Variants in GPC3 observed in about 807,000 individuals in gnomAD.
GPC3 encodes the protein glypican 3.
A neutral mutation model predicts 34.4 loss-of-function variants in GPC3; 3 were observed. The ratio of observed to expected loss-of-function variants is 0.09; its 90% confidence interval spans 0.04 to 0.23. The LOEUF (loss-of-function observed/expected upper bound fraction) is 0.23. GPC3 is among the 10% of genes least tolerant of loss of function. The probability of loss-of-function intolerance (pLI) is 1.00; values close to 1 mark genes in which losing one functional copy is unlikely to be tolerated. For missense variants in GPC3, 351 were observed against 445.6 expected (o/e 0.79, Z 1.91); for synonymous variants, 177 against 174.0 (o/e 1.02, Z -0.13).
intron 2 of GPC3, among the ~76,000 whole-genome samples, chrX:133,900,646 G>A (rs774715353): frequency 9.0e-6 from 1 of 111,509 alleles, no homozygotes; most frequent in South Asian, 3.9e-4. Flanking sequence ...AAATGATAAG[G>A]AGGAAGGGGA....
chrX:133,710,846 A>C (rs2071259790), intron 3 of GPC3, among the ~76,000 whole-genome samples: 1 of 112,424 alleles, frequency 8.9e-6, no homozygotes, highest in African/African-American at 3.2e-5. Context: ...AGCTGAAAGC[A>C]GAATCCTGCA....
chrX:133,708,284 G>T (rs1330035415), intron 3 of GPC3, among the ~76,000 whole-genome samples: 3 of 111,354 alleles, frequency 2.7e-5, no homozygotes, highest in Non-Finnish European at 5.7e-5. Context: ...CCATTATCTG[G>T]TTTTTCACTT....
Position 133,580,798 on chromosome X carries a change from T to C in GPC3, c.1573+15642A>G, listed in dbSNP as rs763155542. Among the ~76,000 whole-genome samples the C allele has an allele frequency of 8.0e-5, 9 of 112,082 alleles. No individual in the cohort carries two copies. In the South Asian group the frequency reaches 3.4e-3, roughly 42 times the overall value. ...GACCACATTTTGGGAGAATCTCACTTCTTAGTCCTCTAGCAGTTGGTACTG... is the reference window on the plus strand; with the variant it reads ...GACCACATTTTGGGAGAATCTCACTCCTTAGTCCTCTAGCAGTTGGTACTG... On this transcript the variant is annotated intron_variant, in intron 7 of 7. Transcript: ENST00000370818.
At chrX:133,693,369 A>T (rs1347098781) in intron 4 of GPC3, among the ~76,000 whole-genome samples, 7 of 111,663 alleles carry the variant, frequency 6.3e-5, no homozygotes, top group Non-Finnish European at 1.3e-4. Context: ...AGAAGTGGAT[A>T]TGTTTAAAAA....
At chrX:133,760,426 T>A (rs763720708) in intron 2 of GPC3, among the ~76,000 whole-genome samples, 1 of 111,923 alleles carries the variant, frequency 8.9e-6, no homozygotes, top group African/African-American at 3.2e-5. Context: ...ATCTATACAC[T>A]GGAATACTAT....
At chrX:133,794,514 T>A (rs1230113905) in intron 2 of GPC3, among the ~76,000 whole-genome samples, 1 of 111,783 alleles carries the variant, frequency 8.9e-6, no homozygotes, top group East Asian at 2.8e-4. Flanking sequence ...CACATTTGGC[T>A]TTGGGTGGGG....
intron 7 of GPC3, among the ~76,000 whole-genome samples, chrX:133,571,424 G>A (rs765085322): frequency 9.1e-6 from 1 of 110,235 alleles, no homozygotes; most frequent in African/African-American, 3.3e-5. Flanking sequence ...GTGCAGTGGC[G>A]CGATCTCGGC....
intron 7 of GPC3, among the ~76,000 whole-genome samples, chrX:133,585,338 C>T (rs2124317506): frequency 9.0e-6 from 1 of 111,355 alleles, no homozygotes; most frequent in Admixed American, 9.6e-5. Context: ...CACATCCCTC[C>T]CCTTCTCCGA....
intron 2 of GPC3, among the ~76,000 whole-genome samples, chrX:133,780,522 T>A (rs1335750205): frequency 8.9e-6 from 1 of 111,820 alleles, no homozygotes; most frequent in Non-Finnish European, 1.9e-5. Flanking sequence ...TAATGACTGG[T>A]GGCCTGGGAA....
At chrX:133,563,664 A>G (rs2069557723) in intron 7 of GPC3, among the ~76,000 whole-genome samples, 1 of 111,977 alleles carries the variant, frequency 8.9e-6, no homozygotes, top group Admixed American at 9.5e-5. Context: ...CTGATGAAAA[A>G]CAAGCCAGCA....
intron 2 of GPC3, among the ~76,000 whole-genome samples, chrX:133,847,389 T>C (rs1276318809): frequency 8.9e-6 from 1 of 112,336 alleles, no homozygotes; most frequent in Non-Finnish European, 1.9e-5. Context: ...GAAGAATATC[T>C]TATCATACGA....
In GPC3 at chrX:133,850,172, T is replaced by G. The variant is rs770125078; in HGVS notation, c.338-95996A>C. Among the ~76,000 whole-genome samples the G allele has an allele frequency of 1.0e-4, 11 of 106,312 alleles. No homozygotes were observed. The East Asian group carries it at 1.5e-3, about 14-fold the overall frequency. 92.3% of individuals were successfully genotyped at this position (106,312 alleles called of 115,157 possible). On this transcript the variant is annotated intron_variant, in intron 2 of 7. Transcript: ENST00000370818. ...ACGATATGACTTTGTGGGGTATTTTTTTTGTTTGTTTTTTGGGTTTTGTTT... is the reference window on the plus strand; with the variant it reads ...ACGATATGACTTTGTGGGGTATTTTGTTTGTTTGTTTTTTGGGTTTTGTTT...
intron 1 of GPC3, among the ~76,000 whole-genome samples, chrX:133,985,012 G>A (rs1189695457): frequency 8.9e-6 from 1 of 111,960 alleles, no homozygotes; most frequent in African/African-American, 3.2e-5. Flanking sequence ...GGGCGCTCAC[G>A]AGAAGGCGAT....
chrX:133,543,282 A>G (rs2069357320), intron 7 of GPC3, among the ~76,000 whole-genome samples: 1 of 110,878 alleles, frequency 9.0e-6, no homozygotes, highest in African/African-American at 3.3e-5. Flanking sequence ...CCACTCCTGG[A>G]TTATTTTTGT....
In GPC3 at chrX:133,624,126, A is replaced by G. The variant is rs756277893; in HGVS notation, c.1414-27527T>C. Among the ~76,000 whole-genome samples the G allele has an allele frequency of 9.8e-5, 11 of 112,078 alleles. No individual in the cohort carries two copies. In the South Asian group the frequency reaches 4.1e-3, roughly 42 times the overall value. ...TGAAACCAATGAGAACAAAGACACA[A>G]CATACCAGAATCTCTGGGACATATT... On this transcript the variant is annotated intron_variant, in intron 6 of 7. Transcript: ENST00000370818.
At position 133,869,760 on chromosome X, in the gene GPC3, T is replaced by C. The variant is rs569547328; in HGVS notation, c.337+83290A>G. On this transcript the variant is annotated intron_variant, in intron 2 of 7. Coordinates refer to ENST00000370818, the MANE Select transcript of GPC3 (RefSeq NM_004484.4). ...CAGGAGATCAAGACAGAGACCATCC[T>C]GGCTAACACGGTGAAACCCCGTCTC... is the stretch of plus-strand genomic sequence containing the variant. Among the ~76,000 whole-genome samples the C allele has an allele frequency of 6.3e-5, 7 of 111,406 alleles. No individual in the cohort carries two copies. In the South Asian group the frequency reaches 2.7e-3, roughly 42 times the overall value.
chrX:133,596,719 T>A lies in GPC3; in HGVS notation c.1414-120A>T, dbSNP rs192870946. 3,370 of 753,989 alleles carry A rather than the reference T, an allele frequency of 4.5e-3. 65 individuals are homozygous for A. The African/African-American group carries it at 0.059, about 13-fold the overall frequency. The allele number at this position is 753,989 out of a possible 1,213,427, so 62.1% of individuals were successfully genotyped here. A position where few individuals can be genotyped will look rare whatever the true frequency, so the allele number is the denominator to read the frequency against. On this transcript the variant is annotated intron_variant, in intron 6 of 7. Coordinates refer to ENST00000370818, the MANE Select transcript of GPC3 (RefSeq NM_004484.4). ...TGAATTACACAGAAGCTGTAAAAAA[T>A]CACTTTCAAATTTACGTAGGTGTAA...
At chrX:133,541,024 C>A (rs754703850) in intron 7 of GPC3, among the ~76,000 whole-genome samples, 6 of 108,178 alleles carry the variant, frequency 5.5e-5, no homozygotes, top group Admixed American at 4.0e-4. Context: ...AGAGCCAAAT[C>A]ATGGTGGATT....
intron 6 of GPC3, among the ~76,000 whole-genome samples, chrX:133,629,230 C>T: frequency 9.0e-6 from 1 of 111,727 alleles, no homozygotes; most frequent in Non-Finnish European, 1.9e-5. Context: ...TTAGAAAGAG[C>T]ACTAGACAAG....
Sources: allele counts gnomAD v4.1 joint callset (sites outside exome capture counted in the v4.1 genomes callset), GRCh38; gene constraint gnomAD v4.1.1; transcripts MANE v1.5; gene names NCBI Gene and HGNC (gene_info 2026-07-23, HGNC 2026-07-21).